Variants in LRRTM2 observed in about 807,000 individuals in gnomAD.
LRRTM2 encodes leucine rich repeat transmembrane neuronal 2, also known as leucine-rich repeat transmembrane neuronal protein 2.
In LRRTM2, 14 loss-of-function variants were observed where a neutral mutation model predicts 40.7. The ratio of observed to expected loss-of-function variants is 0.34; its 90% CI spans 0.23 to 0.54. The LOEUF (loss-of-function observed/expected upper bound fraction) is 0.54. LRRTM2 is among the 20% of genes least tolerant of loss of function. LRRTM2 has a pLI of 0.92. For missense variants in LRRTM2, 468 were observed against 624.4 expected, an observed-to-expected ratio of 0.75 and a Z score of 2.67; for synonymous variants, 223 against 237.6, an observed-to-expected ratio of 0.94 and a Z score of 0.57.
At position 138,871,094 on chromosome 5, in the gene LRRTM2, A is replaced by AAAG. The variant is rs1438754747; in HGVS notation, c.*1913_*1915dup. The AAAG allele has an allele frequency of 6.6e-6, 1 of 152,188 alleles. No individual in the cohort carries two copies. The allele number at this position is 152,188 out of a possible 1,614,324, so 9.4% of individuals were successfully genotyped here. A position where few individuals can be genotyped will look rare whatever the true frequency, so the allele number is the denominator to read the frequency against. ...ACTAAGGTACCCATCTCTTAGTATT[A>AAAG]AAGAAGAAAAATTGTGATTAAATCT... On this transcript the variant is annotated 3_prime_UTR_variant, in exon 2 of 2. Coordinates refer to ENST00000274711, the MANE Select transcript of LRRTM2 (RefSeq NM_015564.3).
rs1222830707 is a variant in LRRTM2, at chr5:138,873,106, A to G, written c.1455T>C (p.Asn485=). The G allele has an allele frequency of 1.9e-6, 3 of 1,613,966 alleles. No homozygotes were observed. The highest frequency in any genetic ancestry group is 3.3e-5 in the Admixed American group (2 of 60,020). Residue 485 remains asparagine, a synonymous_variant, in exon 2 of 2, where the codon AAT becomes AAC. Coordinates refer to ENST00000274711, the MANE Select transcript of LRRTM2 (RefSeq NM_015564.3). This position sits in a 1 kb window ranked among gnomAD's most constrained non-coding sequence, Gnocchi z 6.1. ...MSNMSDQGPY[N]EYEPTHEGPF... Reference sequence around the variant, plus strand: ...GTCCTTCATGGGTGGGTTCATATTCATTATACGGTCCTTGGTCTGACATGT... The same window carrying G: ...GTCCTTCATGGGTGGGTTCATATTCGTTATACGGTCCTTGGTCTGACATGT...
Position 138,874,130 on chromosome 5 carries a change from T to C in LRRTM2, c.431A>G (p.Gln144Arg), listed in dbSNP as rs1179200241. 3.1e-6 allele frequency: 5 copies of C among 1,613,750 alleles called. No individual in the cohort carries two copies. Among genetic ancestry groups the C allele is most frequent in the Non-Finnish European group, 4.2e-6 (5 of 1,179,722 alleles). ...NLQNLDLSFN[Q>R]LSSLHPELFY... The stretch of plus-strand genomic sequence containing the variant: ...GAGCTCTGGGTGCAGAGATGACAGC[T>C]GATTAAAAGACAGGTCCAAATTTTG... Residue 144 changes from glutamine (Q) to arginine (R), a missense_variant, in exon 2 of 2, where the codon CAG becomes CGG. Transcript: ENST00000274711. This position sits in a 1 kb window ranked among gnomAD's most constrained non-coding sequence, Gnocchi z 4.1.
chr5:138,874,288 G>C lies in LRRTM2; in HGVS notation c.273C>G (p.His91Gln). The change falls in exon 2 of 2, where the codon CAC becomes CAG. Residue 91 changes from histidine (H) to glutamine (Q), a missense_variant. Coordinates refer to ENST00000274711, the MANE Select transcript of LRRTM2 (RefSeq NM_015564.3). The surrounding 1 kb of genome is among the most constrained non-coding windows in gnomAD (Gnocchi z 4.1). ...FASFSQLTWL[H>Q]LDHNQISTVK... is the part of the protein sequence containing the mutation. ...CTGTTGAAATTTGATTGTGATCTAAGTGGAGCCAAGTAAGTTGACTGAAGC... is the reference window on the plus strand; with the variant it reads ...CTGTTGAAATTTGATTGTGATCTAACTGGAGCCAAGTAAGTTGACTGAAGC... 1.9e-6 allele frequency: 3 copies of C among 1,614,026 alleles called. No individual in the cohort carries two copies. Among genetic ancestry groups the C allele is most frequent in the Non-Finnish European group, 2.5e-6 (3 of 1,179,906 alleles).
In LRRTM2 at chr5:138,869,195, T is replaced by C. The variant is rs1192405535; in HGVS notation, c.*3815A>G. 1 of 147,120 alleles carries C rather than the reference T, an allele frequency of 6.8e-6. No homozygotes were observed. The highest frequency in any genetic ancestry group is 1.5e-5 in the Non-Finnish European group (1 of 66,652). The allele number at this position is 147,120 out of a possible 1,614,324, so 9.1% of individuals were successfully genotyped here. A position where few individuals can be genotyped will look rare whatever the true frequency, so the allele number is the denominator to read the frequency against. ...ACTTAAAAAAAAAAAAAAAAACCGC[T>C]AAGGACAAAAATGTTAGTTGAAAGA... On this transcript the variant is annotated 3_prime_UTR_variant, in exon 2 of 2. Coordinates refer to ENST00000274711, the MANE Select transcript of LRRTM2 (RefSeq NM_015564.3).
chr5:138,870,358 G>GA lies in LRRTM2; in HGVS notation c.*2651dup, dbSNP rs1332986036. 1 of 152,226 alleles carries GA rather than the reference G, an allele frequency of 6.6e-6. No individual in the cohort carries two copies. Among genetic ancestry groups the GA allele is most frequent in the African/African-American group, 2.4e-5 (1 of 41,456 alleles). 9.4% of individuals were successfully genotyped at this position (152,226 alleles called of 1,614,324 possible). A position where few individuals can be genotyped will look rare whatever the true frequency, so the allele number is the denominator to read the frequency against. On this transcript the variant is annotated 3_prime_UTR_variant, in exon 2 of 2. Transcript: ENST00000274711. The stretch of plus-strand genomic sequence containing the variant: ...AAGGGAGGTTTTTGCTTTTAAATGA[G>GA]AAAGGAAAATACCTTTTTGGTACTA...
rs2149932906 is a variant in LRRTM2, at chr5:138,873,803, C to T, written c.758G>A (p.Gly253Asp). ...AGTCAGGTCTAGCTTTTCTAAAGTG[C>T]CCCAGGTCCACTCCATCCCACATGT... is the stretch of plus-strand genomic sequence containing the variant. ...NLTCGMEWTW[G>D]TLEKLDLTGN... Residue 253 changes from glycine to aspartate, a missense_variant, in exon 2 of 2, where the codon GGC becomes GAC. Coordinates refer to ENST00000274711, the MANE Select transcript of LRRTM2 (RefSeq NM_015564.3). The surrounding 1 kb of genome is among the most constrained non-coding windows in gnomAD (Gnocchi z 6.1). The T allele has an allele frequency of 1.9e-6, 3 of 1,613,988 alleles. No homozygotes were observed. In the East Asian group the frequency reaches 6.7e-5, roughly 36 times the overall value.
At position 138,873,825 on chromosome 5, in the gene LRRTM2, A is replaced by T; in HGVS notation, c.736T>A (p.Cys246Ser). 6.2e-7 allele frequency: 1 copy of T among 1,613,970 alleles called. No individual in the cohort carries two copies. Among genetic ancestry groups the T allele is most frequent in the Non-Finnish European group, 8.5e-7 (1 of 1,179,862 alleles). The change falls in exon 2 of 2, where the codon TGT (cysteine) becomes AGT (serine). Residue 246 changes from cysteine to serine, a missense_variant. Coordinates refer to ENST00000274711, the MANE Select transcript of LRRTM2 (RefSeq NM_015564.3). The surrounding 1 kb of genome is among the most constrained non-coding windows in gnomAD (Gnocchi z 6.1). Reference protein sequence around the residue: ...LQWNKISNLTCGMEWTWGTLE... With the variant: ...LQWNKISNLTSGMEWTWGTLE... ...GTGCCCCAGGTCCACTCCATCCCACATGTCAAGTTGCTGATTTTGTTCCAT... is the reference window on the plus strand; with the variant it reads ...GTGCCCCAGGTCCACTCCATCCCACTTGTCAAGTTGCTGATTTTGTTCCAT...
chr5:138,874,700 T>C lies in LRRTM2; in HGVS notation c.5-144A>G, dbSNP rs1751108193. 1.4e-6 allele frequency: 1 copy of C among 739,568 alleles called. No homozygotes were observed. Among genetic ancestry groups the C allele is most frequent in the Non-Finnish European group, 2.2e-6 (1 of 463,570 alleles). The allele number at this position is 739,568 out of a possible 1,614,324, so 45.8% of individuals were successfully genotyped here. On this transcript the variant is annotated intron_variant, in intron 1 of 1. Transcript: ENST00000274711. This position sits in a 1 kb window ranked among gnomAD's most constrained non-coding sequence, Gnocchi z 4.1. ...TTATTTTTCATTTACTGCAGAAAAA[T>C]TAACCTTATTGGTATGACTGGACCA...
rs893449037 is a variant in LRRTM2 at position 138,872,756 on chromosome 5, A to C, written c.*254T>G. ...CACACGATTGTATATAATTACATAC[A>C]TTTCTTATTTTGAAGTAAGCATTTT... On this transcript the variant is annotated 3_prime_UTR_variant, in exon 2 of 2. Coordinates refer to ENST00000274711, the MANE Select transcript of LRRTM2 (RefSeq NM_015564.3). 1 of 371,862 alleles carries C rather than the reference A, an allele frequency of 2.7e-6. No homozygotes were observed. Among genetic ancestry groups the C allele is most frequent in the African/African-American group, 2.1e-5 (1 of 47,996 alleles). The allele number at this position is 371,862 out of a possible 1,614,324, so 23.0% of individuals were successfully genotyped here.
chr5:138,872,768 GAAGT>G lies in LRRTM2; in HGVS notation c.*238_*241del, dbSNP rs1750797148. Reference sequence around the variant, plus strand: ...TATAATTACATACATTTCTTATTTTGAAGTAAGCATTTTAGACTTTCCAACAGGA... The same window carrying G: ...TATAATTACATACATTTCTTATTTTGAAGCATTTTAGACTTTCCAACAGGA... On this transcript the variant is annotated 3_prime_UTR_variant, in exon 2 of 2. Coordinates refer to ENST00000274711, the MANE Select transcript of LRRTM2 (RefSeq NM_015564.3). The G allele has an allele frequency of 2.5e-6, 1 of 393,332 alleles. No homozygotes were observed. Among genetic ancestry groups the G allele is most frequent in the Admixed American group, 4.1e-5 (1 of 24,402 alleles). 24.4% of individuals were successfully genotyped at this position (393,332 alleles called of 1,614,324 possible). A position where few individuals can be genotyped will look rare whatever the true frequency, so the allele number is the denominator to read the frequency against.
chr5:138,870,786 A>C lies in LRRTM2; in HGVS notation c.*2224T>G, dbSNP rs559459469. The C allele has an allele frequency of 5.6e-4, 85 of 152,308 alleles. 1 individual carries two copies. Among genetic ancestry groups the C allele is most frequent in the African/African-American group, 2.0e-3 (85 of 41,554 alleles). The allele number at this position is 152,308 out of a possible 1,614,324, so 9.4% of individuals were successfully genotyped here. A position where few individuals can be genotyped will look rare whatever the true frequency, so the allele number is the denominator to read the frequency against. On this transcript the variant is annotated 3_prime_UTR_variant, in exon 2 of 2. Coordinates refer to ENST00000274711, the MANE Select transcript of LRRTM2 (RefSeq NM_015564.3). ...GTCATCCTGATAAATGGGTTGGTAA[A>C]TTTTAGCTCGTGGTGCTCTTATTTG... is the stretch of plus-strand genomic sequence containing the variant.
Position 138,873,839 on chromosome 5 carries a change from A to AT in LRRTM2, c.721dup (p.Ile241AsnfsTer24). 6.2e-7 allele frequency: 1 copy of AT among 1,613,978 alleles called. No homozygotes were observed. Among genetic ancestry groups the AT allele is most frequent in the Non-Finnish European group, 8.5e-7 (1 of 1,179,886 alleles). On this transcript the variant is annotated frameshift_variant, in exon 2 of 2. Transcript: ENST00000274711. LOFTEE classifies it high-confidence loss of function. The surrounding 1 kb of genome is among the most constrained non-coding windows in gnomAD (Gnocchi z 6.1). ...CTCCATCCCACATGTCAAGTTGCTG[A>AT]TTTTGTTCCATTGTAAGAAGAGCGT...
chr5:138,875,171 T>C lies in LRRTM2; in HGVS notation c.-260A>G. ...ATAAGTTATTAAATTTCTCCACCTCTAACTGCTCAGCTGGTTAATCAAAGC... is the reference window on the plus strand; with the variant it reads ...ATAAGTTATTAAATTTCTCCACCTCCAACTGCTCAGCTGGTTAATCAAAGC... On this transcript the variant is annotated 5_prime_UTR_variant, in exon 1 of 2. Coordinates refer to ENST00000274711, the MANE Select transcript of LRRTM2 (RefSeq NM_015564.3). The C allele has an allele frequency of 2.5e-6, 1 of 392,912 alleles. No homozygotes were observed. Among genetic ancestry groups the C allele is most frequent in the South Asian group, 5.2e-5 (1 of 19,336 alleles). The allele number at this position is 392,912 out of a possible 1,614,324, so 24.3% of individuals were successfully genotyped here.
In LRRTM2 at chr5:138,871,845, G is replaced by C. The variant is rs1750669314; in HGVS notation, c.*1165C>G. ...ATCGAAATGTATTATATAATAGTTG[G>C]AAAGTGTTTTTTTTCATGGTTCCTT... On this transcript the variant is annotated 3_prime_UTR_variant, in exon 2 of 2. Coordinates refer to ENST00000274711, the MANE Select transcript of LRRTM2 (RefSeq NM_015564.3). The C allele has an allele frequency of 6.6e-6, 1 of 151,642 alleles. No individual in the cohort carries two copies. The highest frequency in any genetic ancestry group is 2.4e-5 in the African/African-American group (1 of 41,414). The allele number at this position is 151,642 out of a possible 1,614,324, so 9.4% of individuals were successfully genotyped here.
At position 138,873,414 on chromosome 5, in the gene LRRTM2, T is replaced by C. The variant is rs1324221181; in HGVS notation, c.1147A>G (p.Lys383Glu). The C allele has an allele frequency of 1.7e-5, 27 of 1,614,046 alleles. No individual in the cohort carries two copies. Among genetic ancestry groups the C allele is most frequent in the Non-Finnish European group, 2.2e-5 (26 of 1,179,906 alleles). The change falls in exon 2 of 2, where the codon AAA (lysine) becomes GAA (glutamate). Residue 383 changes from lysine (K) to glutamate (E), a missense_variant. By Grantham distance (56) the Lys-to-Glu change is moderately conservative (BLOSUM62 1). Coordinates refer to ENST00000274711, the MANE Select transcript of LRRTM2 (RefSeq NM_015564.3). The surrounding 1 kb of genome is among the most constrained non-coding windows in gnomAD (Gnocchi z 6.1). ...TYRDPTTEYT[K>E]RISSSSYHVG... ...TGGTAACTTGATGAGCTTATTCTTT[T>C]TGTATATTCAGTGGTTGGATCTCTA...
Position 138,871,109 on chromosome 5 carries a change from T to C in LRRTM2, c.*1901A>G, listed in dbSNP as rs547207751. On this transcript the variant is annotated 3_prime_UTR_variant, in exon 2 of 2. Coordinates refer to ENST00000274711, the MANE Select transcript of LRRTM2 (RefSeq NM_015564.3). Reference sequence around the variant, plus strand: ...TCTTAGTATTAAAGAAGAAAAATTGTGATTAAATCTTACTGGCTAAACTAT... The same window carrying C: ...TCTTAGTATTAAAGAAGAAAAATTGCGATTAAATCTTACTGGCTAAACTAT... The C allele has an allele frequency of 6.6e-6, 1 of 152,308 alleles. No individual in the cohort carries two copies. The highest frequency in any genetic ancestry group is 1.9e-4 in the East Asian group (1 of 5,186). The allele number at this position is 152,308 out of a possible 1,614,324, so 9.4% of individuals were successfully genotyped here.
chr5:138,873,216 G>A lies in LRRTM2; in HGVS notation c.1345C>T (p.Pro449Ser), dbSNP rs1750855637. The part of the protein sequence containing the change: ...FIVFISRKCC[P>S]PTLRRIRQCS... ...TGCCTAATTCTTCTTAAAGTGGGAG[G>A]GCAGCACTTCCTGGAGATGAACACT... The change falls in exon 2 of 2, where the codon CCT becomes TCT. Residue 449 changes from proline to serine, a missense_variant. Transcript: ENST00000274711. The surrounding 1 kb of genome is among the most constrained non-coding windows in gnomAD (Gnocchi z 6.1). 1.2e-6 allele frequency: 2 copies of A among 1,613,692 alleles called. No individual in the cohort carries two copies. Among genetic ancestry groups the A allele is most frequent in the Non-Finnish European group, 1.7e-6 (2 of 1,179,816 alleles).
At position 138,869,491 on chromosome 5, in the gene LRRTM2, T is replaced by C. The variant is rs1355420409; in HGVS notation, c.*3519A>G. 3 of 152,096 alleles carry C rather than the reference T, an allele frequency of 2.0e-5. No homozygotes were observed. The highest frequency in any genetic ancestry group is 4.4e-5 in the Non-Finnish European group (3 of 68,018). 9.4% of individuals were successfully genotyped at this position (152,096 alleles called of 1,614,324 possible). ...TATTCCTGTATTAGGAAAACGATCA[T>C]GTAAGTCAGCTGTTAAAAATATTCT... On this transcript the variant is annotated 3_prime_UTR_variant, in exon 2 of 2. Transcript: ENST00000274711.
In LRRTM2 at chr5:138,872,202, T is replaced by C. The variant is rs1318345760; in HGVS notation, c.*808A>G. 1.3e-5 allele frequency: 2 copies of C among 152,626 alleles called. No individual in the cohort carries two copies. The highest frequency in any genetic ancestry group is 1.9e-4 in the East Asian group (1 of 5,204). 9.5% of individuals were successfully genotyped at this position (152,626 alleles called of 1,614,324 possible). ...GGATTTAGTACATTAATTAGTACAA[T>C]GACAGTTTAATGCTAGTTTAAAACA... is the stretch of plus-strand genomic sequence containing the variant. On this transcript the variant is annotated 3_prime_UTR_variant, in exon 2 of 2. Transcript: ENST00000274711.
Sources: allele counts gnomAD v4.1 joint callset, GRCh38; gene constraint gnomAD v4.1.1; non-coding constraint Gnocchi (gnomAD v3.1); transcripts MANE v1.5; gene names NCBI Gene and HGNC (gene_info 2026-07-23, HGNC 2026-07-21).